NEK7: variants seen among roughly 807,000 people sequenced by gnomAD.
NEK7 encodes NIMA related kinase 7.
In NEK7, 18 loss-of-function variants were observed where a neutral mutation model predicts 44.6. That is an observed-to-expected ratio of 0.40 (90% CI 0.28 to 0.60). The LOEUF is 0.60. Ranked by LOEUF, NEK7 falls within the 20% of genes least tolerant of loss-of-function variation. The pLI, the probability that NEK7 is intolerant of heterozygous loss-of-function variation, is 0.38. For missense variants in NEK7, 256 were observed against 366.5 expected, an observed-to-expected ratio of 0.70 and a Z score of 2.46; for synonymous variants, 130 against 121.1, an observed-to-expected ratio of 1.07 and a Z score of -0.48.
At chr1:198,204,846 T>C (rs533075855) in intron 1 of NEK7, among the ~76,000 whole-genome samples, 2 of 152,156 alleles carry the variant, frequency 1.3e-5, no homozygotes, top group Non-Finnish European at 2.9e-5. Flanking sequence ...ATGTGTGACT[T>C]GAGATCTGTT....
At chr1:198,242,706 C>T (rs1269507016) in intron 2 of NEK7, among the ~76,000 whole-genome samples, 1 of 151,804 alleles carries the variant, frequency 6.6e-6, no homozygotes, top group Non-Finnish European at 1.5e-5. Flanking sequence ...TCGTGATCCA[C>T]CCGCCTCGGC....
In NEK7 at chr1:198,247,022, G is replaced by T. The variant is rs781577895; in HGVS notation, c.58-6018G>T. 3.1e-4 allele frequency among the ~76,000 whole-genome samples: 47 copies of T among 152,192 alleles called. 1 individual carries two copies. The highest frequency in any genetic ancestry group is 5.6e-4 in the Non-Finnish European group (38 of 67,996). On this transcript the variant is annotated intron_variant, in intron 2 of 9. Transcript: ENST00000367385. ...TTTAAAGTTAAAAACGTAAAAAATT[G>T]CCAAATATCCATTGGCTATATCTGA...
At chr1:198,247,397 TG>T (rs1666862716) in intron 2 of NEK7, among the ~76,000 whole-genome samples, 1 of 152,158 alleles carries the variant, frequency 6.6e-6, no homozygotes, top group Admixed American at 6.5e-5. Flanking sequence ...AGGCTATACT[TG>T]GGAATCAACT....
At chr1:198,289,229 T>A (rs1212844084) in intron 7 of NEK7, among the ~76,000 whole-genome samples, 1 of 152,022 alleles carries the variant, frequency 6.6e-6, no homozygotes, top group Non-Finnish European at 1.5e-5. Flanking sequence ...CAAGGAATAT[T>A]CAAAGCTTTC....
At chr1:198,307,014 T>C (rs1655040712) in intron 9 of NEK7, among the ~76,000 whole-genome samples, 1 of 152,156 alleles carries the variant, frequency 6.6e-6, no homozygotes, top group Non-Finnish European at 1.5e-5. Context: ...ACTTACCTGT[T>C]GTTAAAAGGA....
chr1:198,237,972 T>C (rs914681483), intron 2 of NEK7, among the ~76,000 whole-genome samples: 4 of 152,174 alleles, frequency 2.6e-5, no homozygotes, highest in African/African-American at 9.7e-5. Context: ...CCCAGAGTGG[T>C]ACACATAGTA....
At chr1:198,189,666 A>G (rs1045327622) in intron 1 of NEK7, among the ~76,000 whole-genome samples, 5 of 152,154 alleles carry the variant, frequency 3.3e-5, no homozygotes, top group Admixed American at 1.3e-4. Flanking sequence ...GTTTTAGAAT[A>G]TGTTTTCAAA....
intron 1 of NEK7, among the ~76,000 whole-genome samples, chr1:198,223,871 A>G (rs1666139340): frequency 1.3e-5 from 2 of 152,188 alleles, no homozygotes; most frequent in African/African-American, 2.4e-5. Flanking sequence ...GAAGATCTAA[A>G]TAACTCAGTG....
intron 1 of NEK7, among the ~76,000 whole-genome samples, chr1:198,200,311 A>ATCCG (rs1211691086): frequency 6.6e-6 from 1 of 151,742 alleles, no homozygotes; most frequent in Non-Finnish European, 1.5e-5. Flanking sequence ...CCTCCTCCTT[A>ATCCG]TTTTGGTTTC....
At chr1:198,317,538 C>CA (rs1245296264) in intron 9 of NEK7, among the ~76,000 whole-genome samples, 1 of 152,132 alleles carries the variant, frequency 6.6e-6, no homozygotes, top group Non-Finnish European at 1.5e-5. Context: ...ACTTAAGGGC[C>CA]AGTCATTCAT....
rs549402615 is a variant in NEK7, at chr1:198,322,138, G to A, written c.*2616G>A. Reference sequence around the variant, plus strand: ...CCTTTCTTGTATCCATATACTTCAGGTGTTGCTGTTAACATTTACTATGAT... The same window carrying A: ...CCTTTCTTGTATCCATATACTTCAGATGTTGCTGTTAACATTTACTATGAT... On this transcript the variant is annotated 3_prime_UTR_variant, in exon 10 of 10. Coordinates refer to ENST00000367385, the MANE Select transcript of NEK7 (RefSeq NM_133494.3). 4.3e-4 allele frequency: 65 copies of A among 152,102 alleles called. No homozygotes were observed. The highest frequency in any genetic ancestry group is 8.1e-4 in the Non-Finnish European group (55 of 67,958). 9.4% of individuals were successfully genotyped at this position (152,102 alleles called of 1,614,324 possible).
chr1:198,204,216 C>T (rs966774349), intron 1 of NEK7, among the ~76,000 whole-genome samples: 1 of 152,022 alleles, frequency 6.6e-6, no homozygotes, highest in Non-Finnish European at 1.5e-5. Flanking sequence ...GCCGTGATTG[C>T]ACCACTGCAC....
chr1:198,261,970 T>TG (rs940687356), intron 3 of NEK7, among the ~76,000 whole-genome samples: 1 of 151,912 alleles, frequency 6.6e-6, no homozygotes, highest in African/African-American at 2.4e-5. Context: ...TAAAATTTTG[T>TG]TACCCTTCTC....
chr1:198,186,257 T>A (rs936017597), intron 1 of NEK7, among the ~76,000 whole-genome samples: 1 of 152,208 alleles, frequency 6.6e-6, no homozygotes, highest in Non-Finnish European at 1.5e-5. Flanking sequence ...TGTTAAGGCA[T>A]ATCGGTTGTA....
chr1:198,267,385 T>C (rs960034407), intron 5 of NEK7, among the ~76,000 whole-genome samples: 4 of 152,096 alleles, frequency 2.6e-5, no homozygotes, highest in Non-Finnish European at 5.9e-5. Flanking sequence ...TGTTGATAAA[T>C]CAATTGAGAA....
rs16842511 is a variant in NEK7 at position 198,176,804 on chromosome 1, G to A, written c.-29+19528G>A. Among the ~76,000 whole-genome samples the A allele has an allele frequency of 9.9e-3, 1,510 of 152,116 alleles. 34 individuals carry two copies. Among genetic ancestry groups the A allele is most frequent in the African/African-American group, 0.034 (1,415 of 41,498 alleles). On this transcript the variant is annotated intron_variant, in intron 1 of 9. Coordinates refer to ENST00000367385, the MANE Select transcript of NEK7 (RefSeq NM_133494.3). ...TGACCTAGGGACCGTAGGGGATGAC[G>A]GATAACAATGTAGGGGGTGACTGGA...
At chr1:198,170,844 G>T (rs1417177691) in intron 1 of NEK7, among the ~76,000 whole-genome samples, 1 of 151,982 alleles carries the variant, frequency 6.6e-6, no homozygotes, top group African/African-American at 2.4e-5. Flanking sequence ...TCTTTATTTG[G>T]TTTGTAGTTA....
At chr1:198,239,321 A>G (rs1666622746) in intron 2 of NEK7, among the ~76,000 whole-genome samples, 1 of 152,038 alleles carries the variant, frequency 6.6e-6, no homozygotes, top group South Asian at 2.1e-4. Flanking sequence ...ATTTTGTGCC[A>G]TTTCGAATTT....
At chr1:198,299,466 G>A (rs1654815433) in intron 9 of NEK7, among the ~76,000 whole-genome samples, 3 of 151,450 alleles carry the variant, frequency 2.0e-5, no homozygotes, top group Non-Finnish European at 4.4e-5. Context: ...TAAAAATCTA[G>A]AATATCATTT....
Sources: gnomAD v4.1 joint callset for allele counts (sites outside exome capture counted in the v4.1 genomes callset) on GRCh38, gnomAD v4.1.1 for gene constraint, MANE v1.5 for transcripts, NCBI Gene and HGNC (gene_info 2026-07-23, HGNC 2026-07-21) for gene names.